FRMPD2: variants seen among roughly 807,000 people sequenced by gnomAD.
The protein encoded by FRMPD2 is FERM and PDZ domain containing 2, also known as FERM and PDZ domain-containing protein 2.
In FRMPD2, 96 loss-of-function variants were observed where a neutral mutation model predicts 140.1. The ratio of observed to expected loss-of-function variants is 0.69; its 90% CI spans 0.58 to 0.81. FRMPD2 has a LOEUF of 0.81. Among genes scored for constraint, FRMPD2 ranks in the 40% least tolerant of loss-of-function variants. The pLI, the probability that FRMPD2 is intolerant of heterozygous loss-of-function variation, is 0.00. For missense variants in FRMPD2, 1,240 were observed against 1,447.4 expected, an observed-to-expected ratio of 0.86 and a Z score of 2.32; for synonymous variants, 449 against 547.6, an observed-to-expected ratio of 0.82 and a Z score of 2.52.
intron 10 of FRMPD2, among the ~76,000 whole-genome samples, chr10:48,230,396 T>C (rs868330699): frequency 1.3e-5 from 2 of 152,222 alleles, no homozygotes; most frequent in African/African-American, 4.8e-5. Flanking sequence ...GCACATAAAG[T>C]TACTTCAGCC....
rs1475872950 is a variant in FRMPD2, at chr10:48,236,475, T to C, written c.993+7A>G. 15 of 1,613,658 alleles carry C rather than the reference T, an allele frequency of 9.3e-6. No individual in the cohort carries two copies. Among genetic ancestry groups the C allele is most frequent in the African/African-American group, 1.3e-5 (1 of 74,892 alleles). The stretch of plus-strand genomic sequence containing the variant: ...TCCATCCCTGCCCAGTCTAGCCCAG[T>C]AGTTACCACAACCGATCCCGGCAGA... On this transcript the variant is annotated splice_region_variant and intron_variant, in intron 9 of 28. Coordinates refer to ENST00000374201, the MANE Select transcript of FRMPD2 (RefSeq NM_001018071.4).
chr10:48,248,956 G>C (rs1840314487), intron 3 of FRMPD2, 65 bp downstream of exon 3: 1 of 1,430,462 alleles, frequency 7.0e-7, no homozygotes, highest in Non-Finnish European at 9.4e-7. Context: ...TGGGGAGGCT[G>C]CCGCTGGGAC....
At chr10:48,252,108 G>C (rs73296347) in intron 1 of FRMPD2, among the ~76,000 whole-genome samples, 1 of 152,060 alleles carries the variant, frequency 6.6e-6, no homozygotes, top group Non-Finnish European at 1.5e-5. Context: ...TTTGCCTGCA[G>C]TACGTGATTC....
At chr10:48,186,599 A>C (rs915037972) in intron 17 of FRMPD2, among the ~76,000 whole-genome samples, 42 of 152,072 alleles carry the variant, frequency 2.8e-4, no homozygotes, top group Non-Finnish European at 5.4e-4. Flanking sequence ...TTCACCTCCC[A>C]CCGTGATTCT....
At chr10:48,209,750 T>A (rs530350217) in intron 13 of FRMPD2, among the ~76,000 whole-genome samples, 2 of 152,330 alleles carry the variant, frequency 1.3e-5, no homozygotes, top group African/African-American at 4.8e-5. Flanking sequence ...ACCCTGTAAT[T>A]CCACTTATGA....
At chr10:48,217,703 C>CA (rs903131536) in intron 12 of FRMPD2, among the ~76,000 whole-genome samples, 1 of 151,894 alleles carries the variant, frequency 6.6e-6, no homozygotes, top group Non-Finnish European at 1.5e-5. Flanking sequence ...TGGGACATGG[C>CA]AAAAAAAATT....
chr10:48,232,359 T>A, intron 9 of FRMPD2, 70 bp from the exon 10 acceptor site: 1 of 1,120,368 alleles, frequency 8.9e-7, no homozygotes, highest in Non-Finnish European at 1.3e-6. Context: ...TGCTGGTTAC[T>A]GTACTAAGCA....
chr10:48,242,298 G>A lies in FRMPD2; in HGVS notation c.430C>T (p.Gln144Ter), dbSNP rs1225053591. The change falls in exon 5 of 29, where the codon CAG becomes TAG. Residue 144 changes from glutamine (Q) to a stop codon, truncating the protein, a stop_gained. Coordinates refer to ENST00000374201, the MANE Select transcript of FRMPD2 (RefSeq NM_001018071.4). LOFTEE classifies it high-confidence loss of function. Reference sequence around the variant, plus strand: ...TGCAACGTGCACCGCCTGTGAGGCTGGTCTTCACACATGGTCAGCAGGATG... The same window carrying A: ...TGCAACGTGCACCGCCTGTGAGGCTAGTCTTCACACATGGTCAGCAGGATG... ...HSILLTMCED[Q>*]PHRRCTLQSV... 2 of 1,614,038 alleles carry A rather than the reference G, an allele frequency of 1.2e-6. No homozygotes were observed. Among genetic ancestry groups the A allele is most frequent in the South Asian group, 1.1e-5 (1 of 91,078 alleles).
intron 15 of FRMPD2, among the ~76,000 whole-genome samples, chr10:48,195,824 C>G (rs547037805): frequency 6.6e-6 from 1 of 152,348 alleles, no homozygotes; most frequent in South Asian, 2.1e-4. Context: ...TCCCATTTGA[C>G]ACACCACACC....
intron 12 of FRMPD2, among the ~76,000 whole-genome samples, chr10:48,215,015 A>G (rs532634969): frequency 4.2e-4 from 64 of 152,350 alleles, no homozygotes; most frequent in Middle Eastern, 3.4e-3. Context: ...GAGGAAAGTT[A>G]TTCTGCTGTG....
In FRMPD2 at chr10:48,167,725, T is replaced by C. The variant is rs1226108036; in HGVS notation, c.3537+870A>G. ...ACTTGGCTAGGCCATGGTACACAGA[T>C]AGGCGGTCACATACCATCTAGATGT... On this transcript the variant is annotated intron_variant, in intron 27 of 28. Transcript: ENST00000374201. Among the ~76,000 whole-genome samples, 23 of 152,148 alleles carry C rather than the reference T, an allele frequency of 1.5e-4. No individual in the cohort carries two copies. The East Asian group carries it at 1.5e-3, about 10-fold the overall frequency.
intron 15 of FRMPD2, among the ~76,000 whole-genome samples, chr10:48,193,444 C>A (rs1260449413): frequency 6.6e-6 from 1 of 152,178 alleles, no homozygotes; most frequent in Non-Finnish European, 1.5e-5. Flanking sequence ...GTTGGGTTCC[C>A]CCCAGCTTTG....
intron 15 of FRMPD2, among the ~76,000 whole-genome samples, chr10:48,195,278 C>A (rs189307770): frequency 6.6e-6 from 1 of 152,316 alleles, no homozygotes; most frequent in East Asian, 1.9e-4. Context: ...ACAGATCCTG[C>A]CTATTTAGTC....
At chr10:48,209,622 C>T (rs1839274215) in intron 13 of FRMPD2, among the ~76,000 whole-genome samples, 1 of 152,180 alleles carries the variant, frequency 6.6e-6, no homozygotes, top group African/African-American at 2.4e-5. Context: ...ACTGAGGATC[C>T]ACGGCCTTCC....
intron 1 of FRMPD2, among the ~76,000 whole-genome samples, chr10:48,259,423 G>A (rs1056694583): frequency 2.0e-5 from 3 of 152,128 alleles, no homozygotes; most frequent in Non-Finnish European, 4.4e-5. Flanking sequence ...AGCTATATGG[G>A]TTTAAATTGG....
intron 28 of FRMPD2, among the ~76,000 whole-genome samples, chr10:48,159,580 C>T (rs1329039794): frequency 9.2e-5 from 14 of 151,936 alleles, no homozygotes; most frequent in Admixed American, 7.2e-4. Context: ...TGAGTGAGAT[C>T]TCTGGCCTCC....
At chr10:48,159,178 G>A (rs1394217655) in intron 28 of FRMPD2, 4 of 456,150 alleles carry the variant, frequency 8.8e-6, no homozygotes, top group African/African-American at 6.0e-5. Context: ...ACAGCTGGGA[G>A]CCCCAGGTCT....
intron 10 of FRMPD2, among the ~76,000 whole-genome samples, chr10:48,229,873 A>G (rs952051695): frequency 3.9e-5 from 6 of 152,128 alleles, no homozygotes; most frequent in Non-Finnish European, 5.9e-5. Context: ...TTCTTCAAGG[A>G]GGTTCACAGA....
At chr10:48,157,900 A>G (rs1310178605) in intron 28 of FRMPD2, among the ~76,000 whole-genome samples, 3 of 145,630 alleles carry the variant, frequency 2.1e-5, no homozygotes, top group Non-Finnish European at 3.0e-5. Flanking sequence ...GCCCAGGCCT[A>G]GGCTCACCAC....
Sources: gnomAD v4.1 joint callset for allele counts (sites outside exome capture counted in the v4.1 genomes callset) on GRCh38, gnomAD v4.1.1 for gene constraint, MANE v1.5 for transcripts, NCBI Gene and HGNC (gene_info 2026-07-23, HGNC 2026-07-21) for gene names.